Variants in LSAMP observed in about 807,000 individuals in gnomAD.
LSAMP encodes limbic system-associated membrane protein.
A neutral mutation model predicts 38.6 loss-of-function variants in LSAMP; 7 were observed. The observed-to-expected ratio is 0.18, with a 90% CI of 0.10 to 0.34. The LOEUF (loss-of-function observed/expected upper bound fraction) is 0.34. LSAMP is among the 10% of genes least tolerant of loss of function. LSAMP has a pLI of 1.00. For synonymous variants in LSAMP, 154 were observed against 166.8 expected (o/e 0.92, Z 0.59); for missense variants, 313 against 420.0 (o/e 0.75, Z 2.23).
intron 1 of LSAMP, among the ~76,000 whole-genome samples, chr3:116,381,793 G>A (rs2048561498): frequency 6.6e-6 from 1 of 151,916 alleles, no homozygotes; most frequent in Non-Finnish European, 1.5e-5. Flanking sequence ...TACTTATCTG[G>A]ATATGTTAAC....
At chr3:115,939,012 T>C (rs991153592) in intron 3 of LSAMP, among the ~76,000 whole-genome samples, 3 of 152,160 alleles carry the variant, frequency 2.0e-5, no homozygotes, top group Non-Finnish European at 4.4e-5. Context: ...TTTCAGATAT[T>C]GGGTCTATGG....
intron 3 of LSAMP, among the ~76,000 whole-genome samples, chr3:115,966,690 G>C (rs972349827): frequency 6.6e-6 from 1 of 152,086 alleles, no homozygotes; most frequent in Admixed American, 6.6e-5. Context: ...TATGGAGCTA[G>C]GAATAAACTC....
chr3:115,825,476 C>T (rs1206438820), intron 6 of LSAMP, among the ~76,000 whole-genome samples: 1 of 152,172 alleles, frequency 6.6e-6, no homozygotes, highest in Non-Finnish European at 1.5e-5. Flanking sequence ...AAATAAAAAC[C>T]TACCATCAAA....
intron 2 of LSAMP, among the ~76,000 whole-genome samples, chr3:116,048,072 G>A (rs1941326950): frequency 6.6e-6 from 1 of 152,134 alleles, no homozygotes; most frequent in Non-Finnish European, 1.5e-5. Context: ...ACAGTGCTTG[G>A]CATATGATAG....
intron 3 of LSAMP, among the ~76,000 whole-genome samples, chr3:115,923,882 T>G (rs1475942148): frequency 6.6e-6 from 1 of 152,208 alleles, no homozygotes; most frequent in African/African-American, 2.4e-5. Context: ...CATATAACAT[T>G]GTATTATAAT....
intron 1 of LSAMP, among the ~76,000 whole-genome samples, chr3:116,116,177 A>G (rs1246507015): frequency 7.2e-6 from 1 of 139,820 alleles, no homozygotes; most frequent in Non-Finnish European, 1.6e-5. Flanking sequence ...CATTATGTCT[A>G]TTGGGTTTTT....
chr3:116,355,983 G>A (rs376729390), intron 1 of LSAMP, among the ~76,000 whole-genome samples: 3 of 152,168 alleles, frequency 2.0e-5, no homozygotes, highest in East Asian at 3.9e-4. Flanking sequence ...TGGTGAGAAT[G>A]TAAATTAGTA....
In LSAMP at chr3:116,299,785, G is replaced by C. The variant is rs182493218; in HGVS notation, c.155+145092C>G. The stretch of plus-strand genomic sequence containing the variant: ...CAGAAAAGAAACAAATCGTCTATAT[G>C]GAAGTCCAGTCTTGCTGTGGAAAGG... On this transcript the variant is annotated intron_variant, in intron 1 of 6. Coordinates refer to ENST00000490035, the MANE Select transcript of LSAMP (RefSeq NM_002338.5). Among the ~76,000 whole-genome samples the C allele has an allele frequency of 1.3e-3, 193 of 152,214 alleles. 2 individuals are homozygous for C. The highest frequency in any genetic ancestry group is 1.4e-3 in the Non-Finnish European group (93 of 68,008).
chr3:115,875,260 C>A (rs1164698029), intron 3 of LSAMP, among the ~76,000 whole-genome samples: 1 of 152,034 alleles, frequency 6.6e-6, no homozygotes, highest in Non-Finnish European at 1.5e-5. Flanking sequence ...ATGTATTTGT[C>A]CCAAATATAT....
intron 1 of LSAMP, among the ~76,000 whole-genome samples, chr3:116,344,856 A>G (rs906729837): frequency 6.6e-6 from 1 of 152,186 alleles, no homozygotes; most frequent in African/African-American, 2.4e-5. Context: ...AGCAAGAATC[A>G]ATGAAAAAGA....
intron 2 of LSAMP, among the ~76,000 whole-genome samples, chr3:116,029,087 A>G (rs531344279): frequency 3.3e-5 from 5 of 152,262 alleles, no homozygotes; most frequent in African/African-American, 1.2e-4. Flanking sequence ...AATTTTACAT[A>G]CTTTGTCATG....
At chr3:116,319,379 A>C (rs1357127465) in intron 1 of LSAMP, among the ~76,000 whole-genome samples, 1 of 152,214 alleles carries the variant, frequency 6.6e-6, no homozygotes, top group Non-Finnish European at 1.5e-5. Flanking sequence ...AGTATCTTGT[A>C]TACAGATAGT....
chr3:116,273,098 A>G (rs2046995348), intron 1 of LSAMP, among the ~76,000 whole-genome samples: 2 of 152,134 alleles, frequency 1.3e-5, no homozygotes, highest in African/African-American at 2.4e-5. Flanking sequence ...AATTTCAGAA[A>G]GAGATAAGCA....
chr3:116,124,313 G>A (rs1191964111), intron 1 of LSAMP, among the ~76,000 whole-genome samples: 2 of 152,136 alleles, frequency 1.3e-5, no homozygotes, highest in Non-Finnish European at 2.9e-5. Flanking sequence ...ATACATCACT[G>A]CTTCTCATTC....
intron 1 of LSAMP, among the ~76,000 whole-genome samples, chr3:116,406,035 T>C (rs1464716035): frequency 6.6e-6 from 1 of 152,180 alleles, no homozygotes; most frequent in Non-Finnish European, 1.5e-5. Context: ...TCAAATGATA[T>C]AATTTTTGCA....
At chr3:116,099,326 G>A (rs904208578) in intron 1 of LSAMP, among the ~76,000 whole-genome samples, 4 of 152,124 alleles carry the variant, frequency 2.6e-5, no homozygotes, top group African/African-American at 9.7e-5. Flanking sequence ...CCCTCACAAA[G>A]ACTCCCAAAA....
chr3:115,968,814 T>C (rs977882340), intron 3 of LSAMP, among the ~76,000 whole-genome samples: 7 of 152,178 alleles, frequency 4.6e-5, no homozygotes, highest in Non-Finnish European at 8.8e-5. Context: ...TTCCAGTTTA[T>C]TTAGGACCTC....
At chr3:116,151,647 T>C (rs569655875) in intron 1 of LSAMP, among the ~76,000 whole-genome samples, 1 of 152,132 alleles carries the variant, frequency 6.6e-6, no homozygotes, top group East Asian at 1.9e-4. Flanking sequence ...AAATCTGACA[T>C]TGCTATTGAA....
intron 1 of LSAMP, among the ~76,000 whole-genome samples, chr3:116,390,739 C>CA (rs60344430): frequency 0.066 from 3,569 of 53,910 alleles, 97 homozygotes; most frequent in Non-Finnish European, 0.083. Context: ...GACTCCGCCT[C>CA]AAAAAAAAAA....
Sources: gnomAD v4.1 joint callset for allele counts (sites outside exome capture counted in the v4.1 genomes callset) on GRCh38, gnomAD v4.1.1 for gene constraint, MANE v1.5 for transcripts, NCBI Gene and HGNC (gene_info 2026-07-23, HGNC 2026-07-21) for gene names.